SRGAP2: variants seen among roughly 807,000 people sequenced by gnomAD.
The protein encoded by SRGAP2 is SLIT-ROBO Rho GTPase-activating protein 2.
Under a neutral mutation model 57.2 loss-of-function variants are expected in SRGAP2, and 15 were observed. The observed-to-expected ratio is 0.26, with a 90% CI of 0.18 to 0.40. SRGAP2 has a LOEUF of 0.40. Ranked by LOEUF, SRGAP2 falls within the 10% of genes least tolerant of loss-of-function variation. SRGAP2 has a pLI of 1.00. For synonymous variants in SRGAP2, 249 were observed against 248.0 expected, an observed-to-expected ratio of 1.00 and a Z score of -0.04; for missense variants, 520 against 669.6, an observed-to-expected ratio of 0.78 and a Z score of 2.47.
chr1:206,446,222 G>T lies in SRGAP2; in HGVS notation c.2022G>T (p.Gln674His). ...AGCTGATCAAAACCATCATCATCCA[G>T]CATGAGAACATCTTCCCAAGCCCCA... Reference protein sequence around the residue: ...VNELIKTIIIQHENIFPSPRE... With the variant: ...VNELIKTIIIHHENIFPSPRE... The change falls in exon 18 of 23, where the codon CAG becomes CAT. Residue 674 changes from glutamine (Q) to histidine (H), a missense_variant. Around this residue, in one of 5 missense-constraint regions of SRGAP2, gnomAD observed 478 missense variants for 373.6 expected, o/e 1.28. Transcript: ENST00000573034. The T allele has an allele frequency of 1.3e-6, 1 of 780,932 alleles. No individual in the cohort carries two copies. Among genetic ancestry groups the T allele is most frequent in the Non-Finnish European group, 2.4e-6 (1 of 418,008 alleles). The allele number at this position is 780,932 out of a possible 1,614,324, so 48.4% of individuals were successfully genotyped here. A position where few individuals can be genotyped will look rare whatever the true frequency, so the allele number is the denominator to read the frequency against.
chr1:206,446,228 G>A lies in SRGAP2; in HGVS notation c.2028G>A (p.Glu676=), dbSNP rs782490254. The part of the protein sequence containing the change: ...ELIKTIIIQH[E]NIFPSPRELE... ...TCAAAACCATCATCATCCAGCATGA[G>A]AACATCTTCCCAAGCCCCAGGGAGC... The change falls in exon 18 of 23, where the codon GAG becomes GAA. Residue 676 remains glutamate, a synonymous_variant. Transcript: ENST00000573034. The A allele has an allele frequency of 1.3e-6, 1 of 780,928 alleles. No homozygotes were observed. The highest frequency in any genetic ancestry group is 1.7e-5 in the Admixed American group (1 of 59,044). 48.4% of individuals were successfully genotyped at this position (780,928 alleles called of 1,614,324 possible).
Position 206,318,535 on chromosome 1 carries a change from G to C in SRGAP2, c.260+15062G>C, listed in dbSNP as rs577089185. On this transcript the variant is annotated intron_variant, in intron 3 of 22. Transcript: ENST00000573034. ...TGCATACAAATACACAGTGTATTAGGCCATTTTTTGCGATGCTGTAAATAA... is the reference window on the plus strand; with the variant it reads ...TGCATACAAATACACAGTGTATTAGCCCATTTTTTGCGATGCTGTAAATAA... 1.6e-3 allele frequency among the ~76,000 whole-genome samples: 244 copies of C among 152,354 alleles called. 2 individuals carry two copies. Among genetic ancestry groups the C allele is most frequent in the Admixed American group, 0.013 (192 of 15,304 alleles).
Position 206,416,764 on chromosome 1 carries a change from GC to G in SRGAP2, c.1441+799del, listed in dbSNP as rs1303922476. Among the ~76,000 whole-genome samples the G allele has an allele frequency of 2.7e-3, 410 of 151,524 alleles. 4 individuals are homozygous for G. Among genetic ancestry groups the G allele is most frequent in the African/African-American group, 7.8e-3 (323 of 41,298 alleles). On this transcript the variant is annotated intron_variant, in intron 11 of 22. Coordinates refer to ENST00000573034, the MANE Select transcript of SRGAP2 (RefSeq NM_015326.5). ...CAGGTTGGGGATGCCTCTGAATGCC[GC>G]CCCCCCCTCCCTGCCCCACTAATCT...
At chr1:206,208,838 T>C (rs542225619) in intron 2 of SRGAP2, among the ~76,000 whole-genome samples, 1 of 152,158 alleles carries the variant, frequency 6.6e-6, no homozygotes, top group South Asian at 2.1e-4. Flanking sequence ...AAGTGCAATT[T>C]TTAGAGTCAA....
chr1:206,334,559 C>T (rs1268856998), intron 3 of SRGAP2, among the ~76,000 whole-genome samples: 7 of 152,086 alleles, frequency 4.6e-5, no homozygotes, highest in African/African-American at 1.5e-4. Flanking sequence ...CCTTTCTTCT[C>T]AGTGGCTTAT....
At chr1:206,442,603 G>A (rs1212830022) in intron 17 of SRGAP2, among the ~76,000 whole-genome samples, 1 of 152,162 alleles carries the variant, frequency 6.6e-6, no homozygotes, top group African/African-American at 2.4e-5. Flanking sequence ...AGACAGCATA[G>A]GAATTGCACC....
At chr1:206,435,846 A>G (rs1376015841) in intron 14 of SRGAP2, among the ~76,000 whole-genome samples, 1 of 152,220 alleles carries the variant, frequency 6.6e-6, no homozygotes, top group Admixed American at 6.5e-5. Context: ...AGCAGTCACT[A>G]TGCCAGCATT....
intron 2 of SRGAP2, among the ~76,000 whole-genome samples, chr1:206,249,591 CG>C (rs1307939798): frequency 4.1e-5 from 6 of 147,524 alleles, no homozygotes; most frequent in Admixed American, 1.3e-4. Context: ...CAGGGCCTGT[CG>C]GGGGGTGAGA....
At chr1:206,220,801 C>G (rs1373398834) in intron 2 of SRGAP2, among the ~76,000 whole-genome samples, 1 of 152,186 alleles carries the variant, frequency 6.6e-6, no homozygotes, top group South Asian at 2.1e-4. Flanking sequence ...ACTTTCAAGG[C>G]GTTGGCTTAT....
chr1:206,456,730 TG>T (rs1422692803), intron 21 of SRGAP2, among the ~76,000 whole-genome samples: 2 of 152,200 alleles, frequency 1.3e-5, no homozygotes, highest in Admixed American at 1.3e-4. Context: ...ACCTGGTGGG[TG>T]GGTGAGCGGT....
chr1:206,456,056 G>A (rs1174992882), intron 21 of SRGAP2: 2 of 152,206 alleles, frequency 1.3e-5, no homozygotes, highest in African/African-American at 4.8e-5. Context: ...TTCCCCTCTG[G>A]CTTTTGAGGA....
chr1:206,270,775 C>T (rs1350824077), intron 2 of SRGAP2, among the ~76,000 whole-genome samples: 1 of 40,638 alleles, frequency 2.5e-5, no homozygotes, highest in African/African-American at 1.1e-4. Context: ...TACACAGATG[C>T]TTGTTTACAC....
At position 206,371,996 on chromosome 1, in the gene SRGAP2, A is replaced by C. The variant is rs573681079; in HGVS notation, c.424-12018A>C. On this transcript the variant is annotated intron_variant, in intron 4 of 22. Coordinates refer to ENST00000573034, the MANE Select transcript of SRGAP2 (RefSeq NM_015326.5). ...TGCCACCATGCCTGGCTTATTTTTT[A>C]TTTTTTGTAAAGAGAGGGTCTATCT... Among the ~76,000 whole-genome samples, 554 of 81,810 alleles carry C rather than the reference A, an allele frequency of 6.8e-3. 19 individuals carry two copies. The highest frequency in any genetic ancestry group is 0.032 in the African/African-American group (313 of 9,912). The allele number at this position is 81,810 out of a possible 152,430, so 53.7% of individuals were successfully genotyped here.
intron 14 of SRGAP2, among the ~76,000 whole-genome samples, 157 bp downstream of exon 14, chr1:206,430,379 A>G (rs1431489302): frequency 6.6e-6 from 1 of 152,256 alleles, no homozygotes; most frequent in African/African-American, 2.4e-5. Context: ...CTACCTCAAA[A>G]TAGCCACACC....
At position 206,290,302 on chromosome 1, in the gene SRGAP2, C is replaced by T. The variant is rs1323825163; in HGVS notation, c.68-12979C>T. On this transcript the variant is annotated intron_variant, in intron 2 of 22. Coordinates refer to ENST00000573034, the MANE Select transcript of SRGAP2 (RefSeq NM_015326.5). Reference sequence around the variant, plus strand: ...CTATCACTTTCTGTACCTTCTTTATCGAAAAGTTAAAGGATCAAAGAACCT... The same window carrying T: ...CTATCACTTTCTGTACCTTCTTTATTGAAAAGTTAAAGGATCAAAGAACCT... 3.9e-5 allele frequency among the ~76,000 whole-genome samples: 6 copies of T among 152,126 alleles called. 1 individual carries two copies. In the South Asian group the frequency reaches 1.2e-3, roughly 32 times the overall value.
At chr1:206,450,303 G>T (rs999665063) in intron 18 of SRGAP2, 83 bp from the exon 19 acceptor site, 3 of 730,136 alleles carry the variant, frequency 4.1e-6, no homozygotes, top group Non-Finnish European at 7.7e-6. Context: ...CAGTGCCCTC[G>T]CGCCAGGGAG....
intron 21 of SRGAP2, chr1:206,455,312 A>G (rs782361389): frequency 2.3e-6 from 1 of 438,714 alleles, no homozygotes; most frequent in Non-Finnish European, 4.1e-6. Context: ...TGGCAGTCTT[A>G]CAGCTAAAAC....
Position 206,276,917 on chromosome 1 carries a change from C to A in SRGAP2, c.68-26364C>A, listed in dbSNP as rs1158077146. Among the ~76,000 whole-genome samples, 7 of 151,700 alleles carry A rather than the reference C, an allele frequency of 4.6e-5. No individual in the cohort carries two copies. In the East Asian group the frequency reaches 1.4e-3, roughly 29 times the overall value. The stretch of plus-strand genomic sequence containing the variant: ...CTGTTGAAGTTCCAGGATTGGATAT[C>A]CAAGCTGTTGGCTTTTAGGATACAT... On this transcript the variant is annotated intron_variant, in intron 2 of 22. Transcript: ENST00000573034.
At chr1:206,344,035 G>C (rs1675430423) in intron 4 of SRGAP2, among the ~76,000 whole-genome samples, 1 of 151,934 alleles carries the variant, frequency 6.6e-6, no homozygotes, top group Non-Finnish European at 1.5e-5. Context: ...TTGAAAGTAT[G>C]AGAGAAAAGA....
Sources: allele counts gnomAD v4.1 joint callset (sites outside exome capture counted in the v4.1 genomes callset), GRCh38; gene constraint gnomAD v4.1.1; regional missense constraint gnomAD v4.1.1; transcripts MANE v1.5; gene names NCBI Gene and HGNC (gene_info 2026-07-23, HGNC 2026-07-21).